Variants in GNG7 observed in about 807,000 individuals in gnomAD.
The protein encoded by GNG7 is G protein subunit gamma 7, also known as guanine nucleotide-binding protein G(I)/G(S)/G(O) subunit gamma-7.
In GNG7, 1 loss-of-function variant was observed where a neutral mutation model predicts 4.0. The observed-to-expected ratio is 0.25, with a 90% CI of 0.09 to 1.18. The LOEUF is 1.18. Among genes scored for constraint, GNG7 ranks in the 50% most tolerant of loss-of-function variants. The pLI, the probability that GNG7 is intolerant of heterozygous loss-of-function variation, is 0.50. For synonymous variants in GNG7, 34 were observed against 36.9 expected (o/e 0.92, Z 0.29); for missense variants, 86 against 91.9 (o/e 0.94, Z 0.26).
chr19:2,615,318 C>T (rs1981690118), intron 2 of GNG7, among the ~76,000 whole-genome samples: 1 of 152,054 alleles, frequency 6.6e-6, no homozygotes, highest in Admixed American at 6.6e-5. Flanking sequence ...AATGTCCTTC[C>T]TCCTGCCTTC....
chr19:2,545,212 G>A (rs553796584), intron 3 of GNG7, among the ~76,000 whole-genome samples: 104 of 151,378 alleles, frequency 6.9e-4, no homozygotes, highest in Middle Eastern at 3.2e-3. Flanking sequence ...GTCGTAACTG[G>A]GGGGTGCTCC....
intron 1 of GNG7, among the ~76,000 whole-genome samples, chr19:2,663,636 C>G (rs1160190720): frequency 6.6e-6 from 1 of 152,142 alleles, no homozygotes; most frequent in East Asian, 1.9e-4. Flanking sequence ...TATCTATCAA[C>G]CTGATAATTG....
rs528086046 is a variant in GNG7 at position 2,557,796 on chromosome 19, C to T, written c.-77-2608G>A. The stretch of plus-strand genomic sequence containing the variant: ...GCCATGGTCCTTGACCAGGGAACCA[C>T]AGCTCCTTATTCTGATGGGGTGACT... On this transcript the variant is annotated intron_variant, in intron 2 of 4. Transcript: ENST00000382159. This position sits in a 1 kb window ranked among gnomAD's most constrained non-coding sequence, Gnocchi z 5.1. 1.3e-5 allele frequency among the ~76,000 whole-genome samples: 2 copies of T among 152,304 alleles called. No individual in the cohort carries two copies. The highest frequency in any genetic ancestry group is 3.9e-4 in the East Asian group (2 of 5,186).
At chr19:2,701,292 G>C (rs1913395126) in intron 1 of GNG7, 1 of 151,746 alleles carries the variant, frequency 6.6e-6, no homozygotes, top group African/African-American at 2.4e-5. Context: ...TCCTACCTGA[G>C]ACACCTCCCC....
intron 3 of GNG7, among the ~76,000 whole-genome samples, chr19:2,525,134 C>T (rs1978350594): frequency 1.3e-5 from 2 of 152,206 alleles, no homozygotes; most frequent in Non-Finnish European, 2.9e-5. Context: ...AACTGCCTCC[C>T]TGCAGAGGCG....
chr19:2,553,747 T>G (rs1321951910), intron 3 of GNG7, among the ~76,000 whole-genome samples: 1 of 148,888 alleles, frequency 6.7e-6, no homozygotes, highest in Non-Finnish European at 1.5e-5. Context: ...ATGCAATATA[T>G]TACATATATG....
intron 3 of GNG7, among the ~76,000 whole-genome samples, chr19:2,540,200 G>C (rs1038785948): frequency 1.3e-5 from 2 of 151,608 alleles, no homozygotes; most frequent in South Asian, 4.1e-4. Flanking sequence ...GCCCAGGCTA[G>C]AGTACAGTAG....
intron 1 of GNG7, among the ~76,000 whole-genome samples, chr19:2,654,782 C>T (rs779056144): frequency 1.3e-5 from 2 of 150,768 alleles, no homozygotes; most frequent in African/African-American, 2.4e-5. Context: ...GGGTCTCCCC[C>T]CTCTGCACTG....
At chr19:2,678,425 C>CA (rs1983648321) in intron 1 of GNG7, among the ~76,000 whole-genome samples, 1 of 152,246 alleles carries the variant, frequency 6.6e-6, no homozygotes, top group Middle Eastern at 3.4e-3. Flanking sequence ...GGCACGGAGT[C>CA]AAAAAAGTAA....
In GNG7 at chr19:2,657,399, T is replaced by TATATATATATAC. The variant is rs1332253018; in HGVS notation, c.-134-11120_-134-11119insGTATATATATAT. ...ATATATATATATATATATATATATA[T>TATATATATATAC]ACACATAATAACATTTATCCTAAAA... On this transcript the variant is annotated intron_variant, in intron 1 of 4. Coordinates refer to ENST00000382159, the MANE Select transcript of GNG7 (RefSeq NM_052847.3). 3.6e-4 allele frequency among the ~76,000 whole-genome samples: 29 copies of TATATATATATAC among 80,720 alleles called. 1 individual carries two copies. Among genetic ancestry groups the TATATATATATAC allele is most frequent in the African/African-American group, 1.4e-3 (23 of 16,124 alleles). 53.0% of individuals were successfully genotyped at this position (80,720 alleles called of 152,430 possible).
intron 4 of GNG7, among the ~76,000 whole-genome samples, chr19:2,519,597 A>ATTTG (rs1555690196): frequency 2.8e-5 from 4 of 140,640 alleles, no homozygotes; most frequent in African/African-American, 1.1e-4. Flanking sequence ...CACATGCAAA[A>ATTTG]TTTTTTTTTT....
intron 2 of GNG7, among the ~76,000 whole-genome samples, chr19:2,558,125 G>A (rs2907332): frequency 0.82 from 125,112 of 151,676 alleles, 51,937 homozygotes; most frequent in African/African-American, 0.91. Context: ...ACAGGCGTGA[G>A]CCACCGCGCC....
chr19:2,687,068 T>C (rs1329616875), intron 1 of GNG7, among the ~76,000 whole-genome samples: 1 of 151,058 alleles, frequency 6.6e-6, no homozygotes, highest in Non-Finnish European at 1.5e-5. Flanking sequence ...TTTCTTTTTT[T>C]TTTTTTTGAG....
intron 1 of GNG7, among the ~76,000 whole-genome samples, chr19:2,656,033 A>C (rs1431921588): frequency 1.7e-5 from 2 of 119,660 alleles, no homozygotes; most frequent in African/African-American, 3.7e-5. Context: ...TCAAAACAAA[A>C]AAAAAAAAAA....
At chr19:2,562,769 T>G (rs1979783353) in intron 2 of GNG7, among the ~76,000 whole-genome samples, 1 of 152,084 alleles carries the variant, frequency 6.6e-6, no homozygotes. Context: ...TCCATAATCC[T>G]CTGCCCTGCT....
intron 3 of GNG7, among the ~76,000 whole-genome samples, chr19:2,525,970 A>ACTTTTTTTTTTTTTTTTT (rs1568231777): frequency 7.5e-5 from 2 of 26,782 alleles, no homozygotes; most frequent in East Asian, 1.1e-3. Context: ...CCTCCACGCC[A>ACTTTTTTTTTTTTTTTTT]ATTTTTTTTT....
intron 2 of GNG7, among the ~76,000 whole-genome samples, chr19:2,590,909 TCATCCATC>T (rs1434603703): frequency 6.6e-6 from 1 of 150,490 alleles, no homozygotes; most frequent in Non-Finnish European, 1.5e-5. Context: ...ATCCATCCAT[TCATCCATC>T]CATCCAACCA....
chr19:2,672,921 G>A (rs938535868), intron 1 of GNG7, among the ~76,000 whole-genome samples: 4 of 152,026 alleles, frequency 2.6e-5, no homozygotes, highest in African/African-American at 7.2e-5. Context: ...GGAAACTCAC[G>A]TTGGGGGACA....
chr19:2,568,731 CATAT>C (rs917915801), intron 2 of GNG7, among the ~76,000 whole-genome samples: 1 of 74,494 alleles, frequency 1.3e-5, no homozygotes, highest in Non-Finnish European at 4.2e-5. Flanking sequence ...CATACAGACA[CATAT>C]ACATACATAC....
Sources: allele counts gnomAD v4.1 joint callset (sites outside exome capture counted in the v4.1 genomes callset), GRCh38; gene constraint gnomAD v4.1.1; non-coding constraint Gnocchi (gnomAD v3.1); transcripts MANE v1.5; gene names NCBI Gene and HGNC (gene_info 2026-07-23, HGNC 2026-07-21).